TINAG: variants seen among roughly 807,000 people sequenced by gnomAD.
The protein encoded by TINAG is tubulointerstitial nephritis antigen.
Under a neutral mutation model 72.7 loss-of-function variants are expected in TINAG, and 83 were observed. The ratio of observed to expected loss-of-function variants is 1.14; its 90% CI spans 0.96 to 1.37. The LOEUF is 1.37. Among genes scored for constraint, TINAG ranks in the 40% most tolerant of loss-of-function variants. The pLI, the probability that TINAG is intolerant of heterozygous loss-of-function variation, is 0.00. For missense variants in TINAG, 685 were observed against 576.6 expected (o/e 1.19, Z -1.93); for synonymous variants, 234 against 189.9 (o/e 1.23, Z -1.91).
chr6:54,324,718 C>T (rs1784566146), intron 3 of TINAG, among the ~76,000 whole-genome samples: 1 of 152,104 alleles, frequency 6.6e-6, no homozygotes, highest in African/African-American at 2.4e-5. Flanking sequence ...TTCTTCCTTC[C>T]TTTTACTCTC....
In TINAG at chr6:54,308,802, T is replaced by C. The variant is rs947351599; in HGVS notation, c.252T>C (p.Asp84=). ...CGGCGAATGCGTTGTGCTACTGTGA[T>C]AAATTCTGTGACAGAGAAAATTCTG... is the stretch of plus-strand genomic sequence containing the variant. The part of the protein sequence containing the change: ...FYAANALCYC[D]KFCDRENSDC... Residue 84 remains aspartate, a synonymous_variant, in exon 1 of 11, where the codon GAT becomes GAC. Coordinates refer to ENST00000259782, the MANE Select transcript of TINAG (RefSeq NM_014464.4). 1.9e-6 allele frequency: 3 copies of C among 1,613,738 alleles called. No homozygotes were observed. Among genetic ancestry groups the C allele is most frequent in the African/African-American group, 1.3e-5 (1 of 74,892 alleles).
chr6:54,326,949 G>A, intron 4 of TINAG, 33 bp downstream of exon 4: 4 of 1,612,576 alleles, frequency 2.5e-6, no homozygotes, highest in Non-Finnish European at 3.4e-6. Context: ...GTATGTGCAT[G>A]TATTTGTAAA....
At chr6:54,361,951 C>A (rs931774318) in intron 9 of TINAG, among the ~76,000 whole-genome samples, 1 of 151,618 alleles carries the variant, frequency 6.6e-6, no homozygotes, top group African/African-American at 2.4e-5. Context: ...TTCTTTAATT[C>A]CATGAAGACT....
intron 9 of TINAG, among the ~76,000 whole-genome samples, chr6:54,355,872 G>T (rs1356090606): frequency 6.7e-6 from 1 of 150,128 alleles, no homozygotes; most frequent in Non-Finnish European, 1.5e-5. Context: ...AAGGAAGGAA[G>T]GAAAGAAGGA....
intron 4 of TINAG, among the ~76,000 whole-genome samples, chr6:54,338,701 C>A (rs1218378783): frequency 8.9e-6 from 1 of 112,558 alleles, no homozygotes; most frequent in Non-Finnish European, 1.7e-5. Context: ...TCCCAGGCGA[C>A]AGAGCAAGAC....
intron 10 of TINAG, among the ~76,000 whole-genome samples, chr6:54,385,058 G>A (rs1764060135): frequency 6.6e-6 from 1 of 152,024 alleles, no homozygotes; most frequent in South Asian, 2.1e-4. Context: ...TGGAAAAGAA[G>A]AAAGGTTAAA....
intron 9 of TINAG, among the ~76,000 whole-genome samples, chr6:54,361,466 G>A (rs1763235582): frequency 6.8e-6 from 1 of 147,334 alleles, no homozygotes; most frequent in African/African-American, 2.5e-5. Flanking sequence ...GAAGAGGGAA[G>A]TGCTACACAC....
rs773171389 is a variant in TINAG at position 54,343,209 on chromosome 6, C to A, written c.625-17C>A. 1 of 1,523,858 alleles carries A rather than the reference C, an allele frequency of 6.6e-7. No individual in the cohort carries two copies. Among genetic ancestry groups the A allele is most frequent in the Non-Finnish European group, 8.8e-7 (1 of 1,133,210 alleles). The allele number at this position is 1,523,858 out of a possible 1,614,324, so 94.4% of individuals were successfully genotyped here. ...ATTTGAGAAAATCTCATATATGTAC[C>A]TCTTCTTCCTCTTTAGGCTTCTTTA... is the stretch of plus-strand genomic sequence containing the variant. On this transcript the variant is annotated splice_polypyrimidine_tract_variant and intron_variant, in intron 4 of 10. Transcript: ENST00000259782.
rs9367563 is a variant in TINAG at position 54,329,007 on chromosome 6, C to T, written c.624+2091C>T. Among the ~76,000 whole-genome samples the T allele has an allele frequency of 9.8e-3, 1,497 of 152,038 alleles. 38 individuals are homozygous for T. The highest frequency in any genetic ancestry group is 0.063 in the East Asian group (323 of 5,130). On this transcript the variant is annotated intron_variant, in intron 4 of 10. Coordinates refer to ENST00000259782, the MANE Select transcript of TINAG (RefSeq NM_014464.4). The stretch of plus-strand genomic sequence containing the variant: ...CCAAACCCACCTTTGGTTGGTGTAC[C>T]TGAAGGTGACAGGGCGAATAGAACC...
At chr6:54,343,965 T>G (rs962646989) in intron 5 of TINAG, among the ~76,000 whole-genome samples, 1 of 152,200 alleles carries the variant, frequency 6.6e-6, no homozygotes, top group Non-Finnish European at 1.5e-5. Context: ...TACTTTCATA[T>G]AAATTCACAA....
intron 1 of TINAG, among the ~76,000 whole-genome samples, chr6:54,309,277 G>T (rs1019771060): frequency 6.6e-6 from 1 of 152,258 alleles, no homozygotes; most frequent in South Asian, 2.1e-4. Flanking sequence ...GCCTCTTAGA[G>T]AGTCTCAAGA....
chr6:54,309,056 A>T, intron 1 of TINAG, 151 bp downstream of exon 1: 1 of 874,660 alleles, frequency 1.1e-6, no homozygotes, highest in South Asian at 1.8e-5. Flanking sequence ...TTGGATTGTT[A>T]AAGTGCTTTG....
chr6:54,322,788 T>C (rs1164852733), intron 3 of TINAG, among the ~76,000 whole-genome samples: 1 of 152,218 alleles, frequency 6.6e-6, no homozygotes, highest in Non-Finnish European at 1.5e-5. Context: ...CTTGATGACA[T>C]CTTCAGTATT....
chr6:54,370,678 C>A (rs1364821363), intron 9 of TINAG, among the ~76,000 whole-genome samples: 1 of 151,974 alleles, frequency 6.6e-6, no homozygotes, highest in Non-Finnish European at 1.5e-5. Flanking sequence ...ACTGAGAGGT[C>A]CCACAGGACT....
chr6:54,345,746 G>A (rs1785105420), intron 5 of TINAG, among the ~76,000 whole-genome samples: 1 of 152,046 alleles, frequency 6.6e-6, no homozygotes, highest in South Asian at 2.1e-4. Flanking sequence ...TAGGGAGCTG[G>A]AGGTTATAGA....
chr6:54,383,221 C>T (rs1764001801), intron 10 of TINAG, among the ~76,000 whole-genome samples: 1 of 152,060 alleles, frequency 6.6e-6, no homozygotes, highest in African/African-American at 2.4e-5. Flanking sequence ...AAAACATTCC[C>T]TATCTTTATA....
At chr6:54,335,780 C>A (rs1298672995) in intron 4 of TINAG, among the ~76,000 whole-genome samples, 1 of 152,106 alleles carries the variant, frequency 6.6e-6, no homozygotes, top group Non-Finnish European at 1.5e-5. Context: ...TGGTGCACTC[C>A]CCTCACCGCC....
At chr6:54,321,202 T>A in intron 2 of TINAG, 95 bp from the exon 3 acceptor site, 1 of 930,712 alleles carries the variant, frequency 1.1e-6, no homozygotes. Context: ...ATCAAGAAAT[T>A]ATGTTTTATG....
intron 6 of TINAG, among the ~76,000 whole-genome samples, chr6:54,347,820 G>A (rs567962820): frequency 6.6e-6 from 1 of 152,068 alleles, no homozygotes; most frequent in East Asian, 1.9e-4. Flanking sequence ...GTCCCCACAG[G>A]CAGAATAAAA....
Sources: allele counts gnomAD v4.1 joint callset (sites outside exome capture counted in the v4.1 genomes callset), GRCh38; gene constraint gnomAD v4.1.1; transcripts MANE v1.5; gene names NCBI Gene and HGNC (gene_info 2026-07-23, HGNC 2026-07-21).